Variants in ERC2 observed in about 807,000 individuals in gnomAD.
ERC2 encodes the protein ELKS/RAB6-interacting/CAST family member 2, also known as ERC protein 2.
A neutral mutation model predicts 114.8 loss-of-function variants in ERC2; 42 were observed. That is an observed-to-expected ratio of 0.37 (90% CI 0.29 to 0.47). The LOEUF (loss-of-function observed/expected upper bound fraction) is 0.47, where lower values mean the gene tolerates loss of function less well. ERC2 is among the 20% of genes least tolerant of loss of function. ERC2 has a pLI of 0.99. For synonymous variants in ERC2, 454 were observed against 425.5 expected, an observed-to-expected ratio of 1.07 and a Z score of -0.82; for missense variants, 939 against 1,150.7, an observed-to-expected ratio of 0.82 and a Z score of 2.66.
intron 7 of ERC2, among the ~76,000 whole-genome samples, chr3:56,058,714 C>G (rs1277770881): frequency 1.3e-5 from 2 of 152,178 alleles, no homozygotes; most frequent in African/African-American, 4.8e-5. Context: ...GCAACATCAG[C>G]TCTTCCCGGT....
intron 12 of ERC2, among the ~76,000 whole-genome samples, chr3:55,970,240 C>A (rs1235810595): frequency 1.3e-5 from 2 of 152,036 alleles, no homozygotes; most frequent in African/African-American, 4.8e-5. Context: ...TAACAAATCA[C>A]AAATCAACTT....
intron 12 of ERC2, among the ~76,000 whole-genome samples, chr3:55,952,636 G>A (rs563831299): frequency 2.6e-5 from 4 of 152,166 alleles, no homozygotes; most frequent in Admixed American, 1.3e-4. Context: ...TAATTAGAGG[G>A]TACTTTTAAA....
chr3:55,782,671 GATCGT>G (rs2069151339), intron 14 of ERC2, among the ~76,000 whole-genome samples: 2 of 152,164 alleles, frequency 1.3e-5, no homozygotes, highest in Non-Finnish European at 2.9e-5. Context: ...AGGGAGCAAA[GATCGT>G]ATCACTACCA....
chr3:56,026,057 CTTTTTTTTT>C (rs59635680), intron 7 of ERC2, among the ~76,000 whole-genome samples: 3 of 69,210 alleles, frequency 4.3e-5, no homozygotes, highest in African/African-American at 5.7e-5. Context: ...CCGTTTCTTT[CTTTTTTTTT>C]TTTTTTTTTT....
At chr3:55,705,656 G>A (rs2148840235) in intron 15 of ERC2, among the ~76,000 whole-genome samples, 1 of 152,144 alleles carries the variant, frequency 6.6e-6, no homozygotes, top group South Asian at 2.1e-4. Context: ...GTCCTTCCCT[G>A]AGCACTGGTC....
At chr3:55,673,488 C>T (rs1358457782) in intron 17 of ERC2, among the ~76,000 whole-genome samples, 2 of 152,120 alleles carry the variant, frequency 1.3e-5, no homozygotes, top group Non-Finnish European at 2.9e-5. Context: ...GAGGCTGAGG[C>T]AGGAGAATCA....
chr3:55,863,855 C>T (rs901400996), intron 14 of ERC2, among the ~76,000 whole-genome samples: 11 of 151,702 alleles, frequency 7.3e-5, no homozygotes, highest in African/African-American at 2.7e-4. Flanking sequence ...GTTTTATACT[C>T]ATAGCACATC....
At chr3:55,838,992 C>T (rs746444859) in intron 14 of ERC2, among the ~76,000 whole-genome samples, 2 of 151,692 alleles carry the variant, frequency 1.3e-5, no homozygotes, top group Non-Finnish European at 3.0e-5. Flanking sequence ...CCAAGAACTA[C>T]AATAAACACC....
intron 13 of ERC2, among the ~76,000 whole-genome samples, chr3:55,941,058 A>T (rs2066753467): frequency 1.3e-5 from 2 of 152,162 alleles, no homozygotes; most frequent in South Asian, 4.2e-4. Context: ...CTTATCTGTA[A>T]AGTGGTTTCA....
chr3:55,621,061 C>T (rs747465636), intron 17 of ERC2, among the ~76,000 whole-genome samples: 1 of 152,106 alleles, frequency 6.6e-6, no homozygotes, highest in Non-Finnish European at 1.5e-5. Context: ...AGCCAGGAGG[C>T]CTTGAAGCAC....
chr3:56,389,600 A>T (rs2060055994), intron 2 of ERC2, among the ~76,000 whole-genome samples: 2 of 152,168 alleles, frequency 1.3e-5, no homozygotes, highest in Admixed American at 1.3e-4. Flanking sequence ...AGGAGACCAG[A>T]CATTAGGTCA....
At chr3:55,955,669 C>A (rs1324107935) in intron 12 of ERC2, among the ~76,000 whole-genome samples, 3 of 152,116 alleles carry the variant, frequency 2.0e-5, no homozygotes, top group Non-Finnish European at 2.9e-5. Flanking sequence ...GTTTCATTTT[C>A]TTTTACTGTG....
At chr3:55,670,285 A>G (rs1357180115) in intron 17 of ERC2, among the ~76,000 whole-genome samples, 1 of 152,238 alleles carries the variant, frequency 6.6e-6, no homozygotes, top group Non-Finnish European at 1.5e-5. Flanking sequence ...AAAAAAGGGA[A>G]GAACAAAAGG....
intron 2 of ERC2, among the ~76,000 whole-genome samples, chr3:56,410,623 C>A (rs1167965430): frequency 6.6e-6 from 1 of 151,974 alleles, no homozygotes; most frequent in East Asian, 1.9e-4. Flanking sequence ...TTTTTAGAGG[C>A]AGTTTTTTGT....
At chr3:55,871,438 G>A (rs2062579058) in intron 14 of ERC2, among the ~76,000 whole-genome samples, 1 of 152,146 alleles carries the variant, frequency 6.6e-6, no homozygotes, top group Non-Finnish European at 1.5e-5. Context: ...CTACAAAGAA[G>A]GCTTAATCTC....
chr3:56,220,165 T>C (rs1472582842), intron 3 of ERC2, among the ~76,000 whole-genome samples: 2 of 152,178 alleles, frequency 1.3e-5, no homozygotes, highest in African/African-American at 4.8e-5. Flanking sequence ...TTATAGGGCT[T>C]TATGCAGATA....
chr3:55,600,786 C>T (rs1334987335), intron 17 of ERC2, among the ~76,000 whole-genome samples: 1 of 152,218 alleles, frequency 6.6e-6, no homozygotes, highest in Non-Finnish European at 1.5e-5. Context: ...TCTGTGTGGA[C>T]ACGGCCTCTG....
intron 6 of ERC2, among the ~76,000 whole-genome samples, chr3:56,120,508 C>G (rs920585741): frequency 6.6e-6 from 1 of 152,052 alleles, no homozygotes; most frequent in Non-Finnish European, 1.5e-5. Flanking sequence ...AGATTAGAAG[C>G]CAAAATGAAA....
chr3:56,137,020 CA>C (rs1245255613), intron 6 of ERC2, among the ~76,000 whole-genome samples: 1 of 152,112 alleles, frequency 6.6e-6, no homozygotes, highest in Non-Finnish European at 1.5e-5. Context: ...ATAATGTCAC[CA>C]CTGTCTTTTT....
Sources: gnomAD v4.1 joint callset for allele counts (sites outside exome capture counted in the v4.1 genomes callset) on GRCh38, gnomAD v4.1.1 for gene constraint, MANE v1.5 for transcripts, NCBI Gene and HGNC (gene_info 2026-07-23, HGNC 2026-07-21) for gene names.